BCL7C: variants seen among roughly 807,000 people sequenced by gnomAD.
The protein encoded by BCL7C is B-cell CLL/lymphoma 7 protein family member C.
In BCL7C, 8 loss-of-function variants were observed where a neutral mutation model predicts 26.2. That is an observed-to-expected ratio of 0.30 (90% CI 0.18 to 0.55). The LOEUF (loss-of-function observed/expected upper bound fraction) is 0.55, where lower values mean the gene tolerates loss of function less well. Ranked by LOEUF, BCL7C falls within the 20% of genes least tolerant of loss-of-function variation. The pLI is 0.93. For synonymous variants in BCL7C, 90 were observed against 116.5 expected, an observed-to-expected ratio of 0.77 and a Z score of 1.47; for missense variants, 262 against 298.5, an observed-to-expected ratio of 0.88 and a Z score of 0.90.
chr16:30,849,485 T>C (rs894058821), intron 5 of BCL7C, among the ~76,000 whole-genome samples: 2 of 152,148 alleles, frequency 1.3e-5, no homozygotes, highest in Admixed American at 1.3e-4. Context: ...TGAGTTTAGC[T>C]CTATTGCCCA....
intron 5 of BCL7C, among the ~76,000 whole-genome samples, chr16:30,853,163 C>T (rs2054691415): frequency 6.6e-6 from 1 of 152,090 alleles, no homozygotes; most frequent in African/African-American, 2.4e-5. Context: ...GTCTCGAACT[C>T]CTGACCTCAA....
intron 5 of BCL7C, among the ~76,000 whole-genome samples, chr16:30,864,312 T>C (rs1224346390): frequency 1.3e-5 from 2 of 152,156 alleles, no homozygotes; most frequent in Non-Finnish European, 2.9e-5. Flanking sequence ...TAATTGGATG[T>C]CCTGAGTACT....
chr16:30,874,147 C>G (rs1001350980), intron 5 of BCL7C, among the ~76,000 whole-genome samples: 1 of 151,514 alleles, frequency 6.6e-6, no homozygotes, highest in Non-Finnish European at 1.5e-5. Flanking sequence ...AGGTGTGTGG[C>G]ACCACATCCG....
chr16:30,856,494 C>G (rs1269358603), intron 5 of BCL7C, among the ~76,000 whole-genome samples: 1 of 151,484 alleles, frequency 6.6e-6, no homozygotes, highest in Non-Finnish European at 1.5e-5. Context: ...TTCCCCTCCT[C>G]CCTAGGCTTT....
intron 5 of BCL7C, among the ~76,000 whole-genome samples, chr16:30,860,757 C>T (rs1596593835): frequency 6.6e-6 from 1 of 152,242 alleles, no homozygotes; most frequent in South Asian, 2.1e-4. Context: ...AATCTTTCCT[C>T]TTTCTCTCCT....
intron 5 of BCL7C, among the ~76,000 whole-genome samples, chr16:30,866,667 T>C (rs2054832610): frequency 2.0e-5 from 3 of 151,418 alleles, no homozygotes; most frequent in East Asian, 1.9e-4. Context: ...GAGGAAAACA[T>C]TAATGAAATG....
chr16:30,841,367 G>A lies in BCL7C; in HGVS notation c.529-6219C>T, dbSNP rs1472308936. Among the ~76,000 whole-genome samples the A allele has an allele frequency of 3.3e-5, 5 of 152,186 alleles. No homozygotes were observed. In the South Asian group the frequency reaches 1.0e-3, roughly 31 times the overall value. ...GGGAGCCGAAAAGGCCACAGGGATT[G>A]TGACCAACTCAGCATTCCACTGGAG... On this transcript the variant is annotated intron_variant, in intron 5 of 5. Coordinates refer to the BCL7C transcript ENST00000380317.
intron 5 of BCL7C, among the ~76,000 whole-genome samples, chr16:30,857,450 G>C (rs2054732760): frequency 6.6e-6 from 1 of 151,734 alleles, no homozygotes; most frequent in Admixed American, 6.6e-5. Flanking sequence ...TCAGCGGATA[G>C]GTCAAATAAT....
At chr16:30,835,521 A>G (rs1596805508) in intron 5 of BCL7C, among the ~76,000 whole-genome samples, 1 of 152,138 alleles carries the variant, frequency 6.6e-6, no homozygotes, top group African/African-American at 2.4e-5. Context: ...GATATGTTCA[A>G]TTGGAAAGAT....
At chr16:30,848,907 G>T (rs1238995745) in intron 5 of BCL7C, among the ~76,000 whole-genome samples, 1 of 139,962 alleles carries the variant, frequency 7.1e-6, no homozygotes, top group Non-Finnish European at 1.5e-5. Flanking sequence ...AAAAAAAAAG[G>T]CTGGGCGCGG....
intron 4 of BCL7C, among the ~76,000 whole-genome samples, chr16:30,891,084 G>T (rs1446092367): frequency 6.7e-6 from 1 of 149,956 alleles, no homozygotes; most frequent in African/African-American, 2.5e-5. Flanking sequence ...CAGAAGAATC[G>T]CTTGAACCTG....
intron 5 of BCL7C, among the ~76,000 whole-genome samples, chr16:30,868,911 C>T (rs1013586195): frequency 5.9e-5 from 9 of 151,800 alleles, no homozygotes; most frequent in Non-Finnish European, 1.3e-4. Flanking sequence ...TACCTCCCTT[C>T]TCAGCTTCCA....
intron 5 of BCL7C, among the ~76,000 whole-genome samples, chr16:30,880,981 C>A (rs1412564872): frequency 6.6e-6 from 1 of 152,274 alleles, no homozygotes; most frequent in East Asian, 1.9e-4. Flanking sequence ...CCGCACCTGG[C>A]ACTATGCTTT....
chr16:30,892,806 C>CTA, intron 3 of BCL7C, 34 bp downstream of exon 3: 1 of 1,613,892 alleles, frequency 6.2e-7, no homozygotes, highest in Non-Finnish European at 8.5e-7. Flanking sequence ...CCTTCAGTCC[C>CTA]CACAGCCCCC....
chr16:30,885,549 G>A (rs1453841622), downstream of BCL7C, among the ~76,000 whole-genome samples: 1 of 151,658 alleles, frequency 6.6e-6, no homozygotes, highest in South Asian at 2.1e-4. Flanking sequence ...GATTACAGGC[G>A]CCCGCCACTA....
chr16:30,834,991 G>T lies in BCL7C; in HGVS notation c.686C>A (p.Ala229Asp). ...GGGGATTGTTCTGGGTGCCCTCGGG[G>T]CCTTGCTGCCTCCCCCGGGAGCTCT... Residue 229 changes from alanine (A) to aspartate (D), a missense_variant, in exon 6 of 6, where the codon GCC becomes GAC. Ala to Asp is a moderately radical substitution (Grantham distance 126, BLOSUM62 -2). Coordinates refer to the BCL7C transcript ENST00000380317. This position sits in a 1 kb window ranked among gnomAD's most constrained non-coding sequence, Gnocchi z 4.3. The T allele has an allele frequency of 1.3e-6, 2 of 1,548,082 alleles. No homozygotes were observed. Among genetic ancestry groups the T allele is most frequent in the Non-Finnish European group, 1.7e-6 (2 of 1,146,398 alleles).
At chr16:30,845,483 A>G (rs1417393016) in intron 5 of BCL7C, among the ~76,000 whole-genome samples, 1 of 152,114 alleles carries the variant, frequency 6.6e-6, no homozygotes, top group Admixed American at 6.6e-5. Context: ...AGTTTCCTAC[A>G]GTTCTTGGTT....
intron 4 of BCL7C, among the ~76,000 whole-genome samples, chr16:30,889,706 C>T (rs2055195038): frequency 6.6e-6 from 1 of 152,036 alleles, no homozygotes; most frequent in Admixed American, 6.6e-5. Flanking sequence ...GAGGCTGAGG[C>T]AGAAGGATCG....
intron 5 of BCL7C, among the ~76,000 whole-genome samples, chr16:30,865,029 G>A (rs948183966): frequency 2.0e-5 from 3 of 151,612 alleles, no homozygotes; most frequent in Non-Finnish European, 2.9e-5. Flanking sequence ...TTAGCCAGGC[G>A]TGGTGGCAGG....
Sources: gnomAD v4.1 joint callset for allele counts (sites outside exome capture counted in the v4.1 genomes callset) on GRCh38, gnomAD v4.1.1 for gene constraint, Gnocchi (gnomAD v3.1) non-coding constraint, MANE v1.5 for transcripts, NCBI Gene and HGNC (gene_info 2026-07-23, HGNC 2026-07-21) for gene names.